Variants in FAT3 observed in about 807,000 individuals in gnomAD.
FAT3 encodes the protein FAT atypical cadherin 3.
Under a neutral mutation model 310.2 loss-of-function variants are expected in FAT3, and 95 were observed. That is an observed-to-expected ratio of 0.31 (90% CI 0.26 to 0.36). The LOEUF is 0.36. FAT3 is among the 10% of genes least tolerant of loss of function. FAT3 has a pLI of 1.00. For synonymous variants in FAT3, 2,314 were observed against 2,192.9 expected (o/e 1.06, Z -1.54); for missense variants, 5,408 against 5,715.6 (o/e 0.95, Z 1.74).
At chr11:92,870,243 A>ACC (rs1949353915) in intron 22 of FAT3, among the ~76,000 whole-genome samples, 1 of 151,926 alleles carries the variant, frequency 6.6e-6, no homozygotes, top group African/African-American at 2.4e-5. Context: ...TGCCCCAACC[A>ACC]TCTCTAAGCC....
chr11:92,562,270 T>A (rs1955253237), intron 3 of FAT3, among the ~76,000 whole-genome samples: 1 of 152,206 alleles, frequency 6.6e-6, no homozygotes, highest in Non-Finnish European at 1.5e-5. Flanking sequence ...ATACAATACT[T>A]CCTACCATAT....
At chr11:92,675,176 C>T (rs1342145536) in intron 3 of FAT3, among the ~76,000 whole-genome samples, 5 of 152,114 alleles carry the variant, frequency 3.3e-5, no homozygotes, top group South Asian at 4.1e-4. Flanking sequence ...AAACATTTAT[C>T]GTCTGTTTGC....
chr11:92,857,389 T>G (rs1228849836), intron 20 of FAT3, 41 bp downstream of exon 20: 6 of 1,610,400 alleles, frequency 3.7e-6, no homozygotes, highest in Non-Finnish European at 5.1e-6. Context: ...AATTTCATAT[T>G]CCTGAAACAC....
At chr11:92,614,009 T>C (rs185285699) in intron 3 of FAT3, among the ~76,000 whole-genome samples, 24 of 152,310 alleles carry the variant, frequency 1.6e-4, no homozygotes, top group African/African-American at 5.8e-4. Flanking sequence ...TATATAATCT[T>C]ATATGACCAG....
chr11:92,741,420 G>C (rs1190242378), intron 4 of FAT3, among the ~76,000 whole-genome samples: 1 of 152,160 alleles, frequency 6.6e-6, no homozygotes, highest in Non-Finnish European at 1.5e-5. Flanking sequence ...TGATGGAAAT[G>C]AGCATAAATT....
At chr11:92,565,530 C>A (rs1030217601) in intron 3 of FAT3, among the ~76,000 whole-genome samples, 1 of 150,890 alleles carries the variant, frequency 6.6e-6, no homozygotes. Flanking sequence ...CTCCCTAACT[C>A]ATTTTATGAG....
intron 3 of FAT3, among the ~76,000 whole-genome samples, chr11:92,590,909 A>G (rs993281751): frequency 6.6e-6 from 1 of 152,156 alleles, no homozygotes. Context: ...CCTAAACTGT[A>G]CTAAGTCGAT....
chr11:92,565,754 A>T (rs938206489), intron 3 of FAT3, among the ~76,000 whole-genome samples: 2 of 152,070 alleles, frequency 1.3e-5, no homozygotes, highest in African/African-American at 4.8e-5. Flanking sequence ...AATAAATGTA[A>T]TCCAGCATAT....
intron 2 of FAT3, among the ~76,000 whole-genome samples, chr11:92,394,308 A>C (rs1365911948): frequency 6.6e-6 from 1 of 152,168 alleles, no homozygotes; most frequent in Non-Finnish European, 1.5e-5. Context: ...GTCTCTATGA[A>C]AAGTACAAAA....
At chr11:92,321,280 C>A (rs557314487) in intron 1 of FAT3, among the ~76,000 whole-genome samples, 210 of 151,436 alleles carry the variant, frequency 1.4e-3, no homozygotes, top group African/African-American at 4.7e-3. Flanking sequence ...ACTAAAAATA[C>A]AAAAAAAATA....
At chr11:92,678,055 G>GACTTCAAAGTTAATT (rs1364179867) in intron 3 of FAT3, among the ~76,000 whole-genome samples, 13 of 152,246 alleles carry the variant, frequency 8.5e-5, no homozygotes, top group African/African-American at 2.9e-4. Flanking sequence ...TTCGCTTTGT[G>GACTTCAAAGTTAATT]ACTTCAAAGT....
intron 1 of FAT3, among the ~76,000 whole-genome samples, chr11:92,253,189 GC>G (rs1865196464): frequency 6.6e-6 from 1 of 151,984 alleles, no homozygotes; most frequent in South Asian, 2.1e-4. Flanking sequence ...GTGCTGGGAG[GC>G]CCTAGGCAGG....
chr11:92,340,426 A>G (rs1323306804), intron 1 of FAT3, among the ~76,000 whole-genome samples: 1 of 152,100 alleles, frequency 6.6e-6, no homozygotes, highest in Non-Finnish European at 1.5e-5. Flanking sequence ...GTGAAGTGTA[A>G]TCTGCTGTGT....
At chr11:92,312,102 C>T (rs1053718325) in intron 1 of FAT3, among the ~76,000 whole-genome samples, 5 of 152,084 alleles carry the variant, frequency 3.3e-5, no homozygotes, top group Non-Finnish European at 7.3e-5. Context: ...TAAAGCATAA[C>T]AGTCTTAGGA....
At chr11:92,757,531 T>A (rs1946035205) in intron 4 of FAT3, among the ~76,000 whole-genome samples, 1 of 152,168 alleles carries the variant, frequency 6.6e-6, no homozygotes, top group South Asian at 2.1e-4. Context: ...ATGGGCTAAT[T>A]CGAAGGGAGG....
chr11:92,596,735 C>T (rs1417391480), intron 3 of FAT3, among the ~76,000 whole-genome samples: 1 of 152,126 alleles, frequency 6.6e-6, no homozygotes, highest in African/African-American at 2.4e-5. Context: ...TGGCAGACAC[C>T]GTCTATCATA....
rs146349066 is a variant in FAT3 at position 92,510,329 on chromosome 11, A to G, written c.3293-14305A>G. ...ACCTTCCTTTCTTTCTGTGTGTATGAATCTATACCATTGTGCTGTGTATGG... is the reference window on the plus strand; with the variant it reads ...ACCTTCCTTTCTTTCTGTGTGTATGGATCTATACCATTGTGCTGTGTATGG... On this transcript the variant is annotated intron_variant, in intron 2 of 27. Coordinates refer to ENST00000525166, the MANE Select transcript of FAT3 (RefSeq NM_001367949.2). Among the ~76,000 whole-genome samples, 146 of 152,190 alleles carry G rather than the reference A, an allele frequency of 9.6e-4. 1 individual carries two copies. Among genetic ancestry groups the G allele is most frequent in the African/African-American group, 3.3e-3 (135 of 41,520 alleles).
rs1591400757 is a variant in FAT3, at chr11:92,524,864, C to A, written c.3523C>A (p.Pro1175Thr). 6.2e-7 allele frequency: 1 copy of A among 1,613,852 alleles called. No homozygotes were observed. Among genetic ancestry groups the A allele is most frequent in the East Asian group, 2.2e-5 (1 of 44,874 alleles). The change falls in exon 3 of 28, where the codon CCT (proline) becomes ACT (threonine). Residue 1175 changes from proline to threonine, a missense_variant. Around this residue, in one of 5 missense-constraint regions of FAT3, gnomAD observed 4,588 missense variants for 4,809.8 expected, o/e 0.95. Transcript: ENST00000525166. ...VSVIQIQAEDPDSSSNEKLTY... is the reference protein window; with the variant it reads ...VSVIQIQAEDTDSSSNEKLTY... ...TGTCATTCAGATCCAGGCTGAAGAT[C>A]CTGACTCCAGTTCCAATGAAAAACT...
chr11:92,549,939 G>A (rs560306530), intron 3 of FAT3, among the ~76,000 whole-genome samples: 1 of 152,194 alleles, frequency 6.6e-6, no homozygotes, highest in South Asian at 2.1e-4. Context: ...ATTATGATTA[G>A]CTGCATTTTA....
Sources: allele counts gnomAD v4.1 joint callset (sites outside exome capture counted in the v4.1 genomes callset), GRCh38; gene constraint gnomAD v4.1.1; regional missense constraint gnomAD v4.1.1; transcripts MANE v1.5; gene names NCBI Gene and HGNC (gene_info 2026-07-23, HGNC 2026-07-21).